COL4A2: variants seen among roughly 807,000 people sequenced by gnomAD.
The protein encoded by COL4A2 is collagen alpha-2(IV) chain.
In COL4A2, 99 loss-of-function variants were observed where a neutral mutation model predicts 200.2. The ratio of observed to expected loss-of-function variants is 0.49; its 90% CI spans 0.42 to 0.58. The LOEUF (loss-of-function observed/expected upper bound fraction) is 0.58. Ranked by LOEUF, COL4A2 falls within the 20% of genes least tolerant of loss-of-function variation. The pLI, the probability that COL4A2 is intolerant of heterozygous loss-of-function variation, is 0.00. For missense variants in COL4A2, 1,950 were observed against 2,314.1 expected (o/e 0.84, Z 3.23); for synonymous variants, 897 against 900.6 (o/e 1.00, Z 0.07).
chr13:110,361,615 G>T (rs1027999696), intron 4 of COL4A2, among the ~76,000 whole-genome samples: 6 of 152,244 alleles, frequency 3.9e-5, no homozygotes, highest in Non-Finnish European at 5.9e-5. Flanking sequence ...GCATACTATG[G>T]ATTCCAGTTC....
rs73619270 is a variant in COL4A2 at position 110,310,534 on chromosome 13, A to G, written c.99+2411A>G. On this transcript the variant is annotated intron_variant, in intron 3 of 47. Coordinates refer to ENST00000360467, the MANE Select transcript of COL4A2 (RefSeq NM_001846.4). ...TAATATGTGTTGTTAAGAGACATGT[A>G]GTTTGTTACGTTCAACAAGGGGCTG... Among the ~76,000 whole-genome samples the G allele has an allele frequency of 5.7e-3, 870 of 152,340 alleles. 9 individuals carry two copies. Among genetic ancestry groups the G allele is most frequent in the African/African-American group, 0.02 (829 of 41,574 alleles).
Position 110,512,185 on chromosome 13 carries a change from C to T in COL4A2, c.5133C>T (p.Asn1711=), listed in dbSNP as rs1594121053. ...HISRCQVCMK[N]L ...GCCGCTGCCAGGTGTGCATGAAGAA[C>T]CTGTGAGCCGGCGCGTGCCAGGAAG... The change falls in exon 48 of 48, where the codon AAC becomes AAT. Residue 1711 remains asparagine, a synonymous_variant. Coordinates refer to ENST00000360467, the MANE Select transcript of COL4A2 (RefSeq NM_001846.4). 1.9e-6 allele frequency: 3 copies of T among 1,611,704 alleles called. No homozygotes were observed. Among genetic ancestry groups the T allele is most frequent in the Non-Finnish European group, 1.7e-6 (2 of 1,178,920 alleles).
intron 46 of COL4A2, 70 bp from the exon 47 acceptor site, chr13:110,507,865 C>A: frequency 6.6e-7 from 1 of 1,519,816 alleles, no homozygotes; most frequent in Non-Finnish European, 9.0e-7. Flanking sequence ...GCCTCCTGGG[C>A]CTGGCTGGGG....
intron 39 of COL4A2, 74 bp downstream of exon 39, chr13:110,493,356 T>C: frequency 1.3e-6 from 2 of 1,498,784 alleles, no homozygotes; most frequent in Non-Finnish European, 1.9e-6. Context: ...GAGTCTGCCC[T>C]CCAGACTTCA....
At chr13:110,370,567 G>A (rs1437155882) in intron 4 of COL4A2, among the ~76,000 whole-genome samples, 1 of 152,120 alleles carries the variant, frequency 6.6e-6, no homozygotes, top group Non-Finnish European at 1.5e-5. Context: ...GTATTTTGTT[G>A]TTGTTGTTGT....
chr13:110,484,205 G>T (rs1467997456), intron 32 of COL4A2, among the ~76,000 whole-genome samples: 1 of 152,120 alleles, frequency 6.6e-6, no homozygotes, highest in African/African-American at 2.4e-5. Context: ...TCCCTCCACT[G>T]GTGGGCACGC....
intron 30 of COL4A2, among the ~76,000 whole-genome samples, 155 bp from the exon 31 acceptor site, chr13:110,480,065 C>G (rs546920735): frequency 1.3e-5 from 2 of 152,362 alleles, no homozygotes; most frequent in Admixed American, 6.5e-5. Flanking sequence ...GGGTCCCGCT[C>G]CGGCCACACT....
At chr13:110,423,111 C>T (rs895547063) in intron 4 of COL4A2, among the ~76,000 whole-genome samples, 1 of 152,068 alleles carries the variant, frequency 6.6e-6, no homozygotes, top group Non-Finnish European at 1.5e-5. Context: ...AGTAAAGGTG[C>T]CGTGTGATGA....
In COL4A2 at chr13:110,434,400, G is replaced by A. The variant is rs772731038; in HGVS notation, c.685-1G>A. ...CTTACAGAAATTATTTATCTTTTCA[G>A]GGCAACAGAGGACTTGGTTTCTACG... On this transcript the variant is annotated splice_acceptor_variant, in intron 11 of 47. Transcript: ENST00000360467. LOFTEE classifies it high-confidence loss of function. 1 of 1,612,990 alleles carries A rather than the reference G, an allele frequency of 6.2e-7. No individual in the cohort carries two copies. The highest frequency in any genetic ancestry group is 8.5e-7 in the Non-Finnish European group (1 of 1,179,450).
intron 29 of COL4A2, among the ~76,000 whole-genome samples, chr13:110,476,823 A>C (rs1389947236): frequency 6.6e-6 from 1 of 152,246 alleles, no homozygotes; most frequent in Non-Finnish European, 1.5e-5. Context: ...ACCACTGGGC[A>C]GGACAGGATA....
chr13:110,433,367 GCAAAC>G (rs1192569356), intron 11 of COL4A2, among the ~76,000 whole-genome samples: 1 of 152,254 alleles, frequency 6.6e-6, no homozygotes, highest in African/African-American at 2.4e-5. Flanking sequence ...CCTTGCTGCG[GCAAAC>G]ATCAACAGCC....
chr13:110,469,138 T>A (rs1882364911), intron 27 of COL4A2, 79 bp from the exon 28 acceptor site: 1 of 1,502,198 alleles, frequency 6.7e-7, no homozygotes, highest in East Asian at 2.5e-5. Context: ...AGATCCACAT[T>A]AAGTCAGATG....
intron 4 of COL4A2, among the ~76,000 whole-genome samples, chr13:110,377,108 G>T (rs1467304248): frequency 6.6e-6 from 1 of 151,754 alleles, no homozygotes; most frequent in East Asian, 1.9e-4. Flanking sequence ...GACTTGGGTG[G>T]TGAGTGTCTT....
chr13:110,459,709 A>G (rs1488704925), intron 22 of COL4A2: 1 of 152,250 alleles, frequency 6.6e-6, no homozygotes, highest in Non-Finnish European at 1.5e-5. Flanking sequence ...TTTATGCTTT[A>G]AAACAGTGAA....
At chr13:110,443,241 A>T (rs1428009587) in intron 16 of COL4A2, among the ~76,000 whole-genome samples, 1 of 152,234 alleles carries the variant, frequency 6.6e-6, no homozygotes, top group African/African-American at 2.4e-5. Flanking sequence ...CATGCGTTCT[A>T]TTTAGCCTAA....
chr13:110,470,020 C>T (rs1230180948), intron 28 of COL4A2, among the ~76,000 whole-genome samples: 1 of 149,292 alleles, frequency 6.7e-6, no homozygotes, highest in East Asian at 2.0e-4. Flanking sequence ...GTTCAAGCGA[C>T]TCTCCTGCCT....
intron 4 of COL4A2, among the ~76,000 whole-genome samples, chr13:110,378,757 G>A (rs1177411217): frequency 6.6e-6 from 1 of 152,200 alleles, no homozygotes; most frequent in Non-Finnish European, 1.5e-5. Flanking sequence ...TACTTAGGAA[G>A]CAAACCCTTC....
chr13:110,476,778 A>G (rs1256062957), intron 29 of COL4A2, among the ~76,000 whole-genome samples: 1 of 152,254 alleles, frequency 6.6e-6, no homozygotes. Flanking sequence ...AGCTAGTGTT[A>G]AAAACTAGAA....
At position 110,346,713 on chromosome 13, in the gene COL4A2, C is replaced by T. The variant is rs182385532; in HGVS notation, c.100-10759C>T. Among the ~76,000 whole-genome samples the T allele has an allele frequency of 1.3e-3, 198 of 151,724 alleles. 1 individual carries two copies. The highest frequency in any genetic ancestry group is 4.6e-3 in the African/African-American group (189 of 41,238). On this transcript the variant is annotated intron_variant, in intron 3 of 47. Coordinates refer to ENST00000360467, the MANE Select transcript of COL4A2 (RefSeq NM_001846.4). ...GTCCTGCCTGCCTGACGGCTGACGA[C>T]GGCCCCACACCCATGTCTACACCCT...
Sources: allele counts gnomAD v4.1 joint callset (sites outside exome capture counted in the v4.1 genomes callset), GRCh38; gene constraint gnomAD v4.1.1; transcripts MANE v1.5; gene names NCBI Gene and HGNC (gene_info 2026-07-23, HGNC 2026-07-21).